Variants in SYT9 observed in about 807,000 individuals in gnomAD.
SYT9 encodes synaptotagmin 9.
Under a neutral mutation model 48.4 loss-of-function variants are expected in SYT9, and 22 were observed. The observed-to-expected ratio is 0.45, with a 90% CI of 0.32 to 0.65. The LOEUF is 0.65. Ranked by LOEUF, SYT9 falls within the 30% of genes least tolerant of loss-of-function variation. The pLI is 0.03. For synonymous variants in SYT9, 265 were observed against 245.0 expected, an observed-to-expected ratio of 1.08 and a Z score of -0.76; for missense variants, 577 against 622.0, an observed-to-expected ratio of 0.93 and a Z score of 0.77.
intron 3 of SYT9, among the ~76,000 whole-genome samples, chr11:7,333,048 A>T (rs1849568667): frequency 6.6e-6 from 1 of 152,196 alleles, no homozygotes; most frequent in Non-Finnish European, 1.5e-5. Flanking sequence ...TCGAGAATCG[A>T]AACAGTTTGT....
chr11:7,270,314 C>G (rs1848270621), intron 1 of SYT9, among the ~76,000 whole-genome samples: 1 of 152,120 alleles, frequency 6.6e-6, no homozygotes, highest in Non-Finnish European at 1.5e-5. Context: ...AAATGCAGCT[C>G]ATAAACGCTG....
intron 1 of SYT9, among the ~76,000 whole-genome samples, chr11:7,261,649 T>C (rs906187121): frequency 2.7e-5 from 4 of 150,560 alleles, no homozygotes; most frequent in East Asian, 1.9e-4. Flanking sequence ...CACTGAGAAG[T>C]TGACAAATGA....
intron 4 of SYT9, among the ~76,000 whole-genome samples, chr11:7,416,481 G>T (rs958789610): frequency 5.9e-5 from 9 of 152,166 alleles, no homozygotes; most frequent in Admixed American, 2.0e-4. Flanking sequence ...ATTACATTTA[G>T]CCTTCTATAT....
In SYT9 at chr11:7,337,082, TA is replaced by T. The variant is rs1368891492; in HGVS notation, c.1044+23142del. On this transcript the variant is annotated intron_variant, in intron 3 of 6. Coordinates refer to ENST00000318881, the MANE Select transcript of SYT9 (RefSeq NM_175733.4). ...TTACCTCCCTGGTTAGCTGTATCCC[TA>T]GGTATTTTATTCTTTTTGTGACAAT... is the stretch of plus-strand genomic sequence containing the variant. Among the ~76,000 whole-genome samples the T allele has an allele frequency of 5.3e-5, 8 of 152,296 alleles. No homozygotes were observed. The South Asian group carries it at 1.7e-3, about 32-fold the overall frequency.
chr11:7,281,244 C>A (rs1195998638), intron 1 of SYT9, among the ~76,000 whole-genome samples: 1 of 152,206 alleles, frequency 6.6e-6, no homozygotes, highest in African/African-American at 2.4e-5. Flanking sequence ...CCCTGGGCAT[C>A]ACAATGAGAG....
chr11:7,392,904 C>A (rs184509778), intron 3 of SYT9, among the ~76,000 whole-genome samples: 3 of 152,026 alleles, frequency 2.0e-5, no homozygotes, highest in African/African-American at 7.2e-5. Context: ...TCAGCTTGAA[C>A]ATTATTGTTG....
intron 3 of SYT9, among the ~76,000 whole-genome samples, chr11:7,336,562 A>G (rs1849634052): frequency 1.3e-5 from 2 of 152,176 alleles, no homozygotes; most frequent in Non-Finnish European, 2.9e-5. Flanking sequence ...TCATATGGCT[A>G]GCAAGTTATC....
At chr11:7,400,041 A>G (rs1484691149) in intron 3 of SYT9, among the ~76,000 whole-genome samples, 1 of 152,214 alleles carries the variant, frequency 6.6e-6, no homozygotes, top group African/African-American at 2.4e-5. Context: ...TATGCCACGT[A>G]CTTACCCCAA....
chr11:7,297,623 CTTCCA>C (rs1848838110), intron 1 of SYT9, among the ~76,000 whole-genome samples: 1 of 152,246 alleles, frequency 6.6e-6, no homozygotes, highest in Non-Finnish European at 1.5e-5. Flanking sequence ...CTGGGACTTC[CTTCCA>C]CCAGTCTTCC....
chr11:7,257,357 A>G (rs1847992648), intron 1 of SYT9, among the ~76,000 whole-genome samples: 1 of 152,160 alleles, frequency 6.6e-6, no homozygotes, highest in Non-Finnish European at 1.5e-5. Flanking sequence ...ATAAGGCTCT[A>G]TTATGTCCAC....
chr11:7,468,101 A>T lies in SYT9; in HGVS notation c.*1301A>T. The T allele has an allele frequency of 2.5e-6, 1 of 394,146 alleles. No homozygotes were observed. Among genetic ancestry groups the T allele is most frequent in the Non-Finnish European group, 4.5e-6 (1 of 223,498 alleles). 24.4% of individuals were successfully genotyped at this position (394,146 alleles called of 1,614,324 possible). A position where few individuals can be genotyped will look rare whatever the true frequency, so the allele number is the denominator to read the frequency against. On this transcript the variant is annotated 3_prime_UTR_variant, in exon 7 of 7. Transcript: ENST00000318881. Reference sequence around the variant, plus strand: ...ATTATAGGTGCAAGGCACCCCATCCACACATTTGCACCACTACTCCAAGAT... The same window carrying T: ...ATTATAGGTGCAAGGCACCCCATCCTCACATTTGCACCACTACTCCAAGAT...
At chr11:7,262,082 G>C (rs1419600075) in intron 1 of SYT9, among the ~76,000 whole-genome samples, 1 of 152,110 alleles carries the variant, frequency 6.6e-6, no homozygotes, top group African/African-American at 2.4e-5. Flanking sequence ...AGATGGTGGT[G>C]GCTTGGACCA....
At chr11:7,452,118 AACACACACACACAC>A (rs142000557) in intron 6 of SYT9, among the ~76,000 whole-genome samples, 141 of 147,646 alleles carry the variant, frequency 9.5e-4, no homozygotes, top group Non-Finnish European at 1.3e-3. Context: ...TTATATTTAA[AACACACACACACAC>A]ACACACACAC....
chr11:7,314,381 C>T, intron 3 of SYT9: 1 of 283,548 alleles, frequency 3.5e-6, no homozygotes, highest in Non-Finnish European at 7.1e-6. Flanking sequence ...AGAGCATTTC[C>T]CATGATTGGA....
chr11:7,421,505 A>G (rs1038304396), intron 6 of SYT9, among the ~76,000 whole-genome samples: 3 of 152,232 alleles, frequency 2.0e-5, no homozygotes, highest in Non-Finnish European at 4.4e-5. Flanking sequence ...AATGTGTCCA[A>G]CTAAAAACCA....
At chr11:7,264,640 G>A (rs1183678581) in intron 1 of SYT9, among the ~76,000 whole-genome samples, 2 of 152,042 alleles carry the variant, frequency 1.3e-5, no homozygotes, top group East Asian at 3.9e-4. Context: ...CAGAGAATGA[G>A]ATGTTTGAAA....
At chr11:7,247,474 C>T (rs867390084), upstream of SYT9, among the ~76,000 whole-genome samples, 11 of 148,998 alleles carry the variant, frequency 7.4e-5, no homozygotes, top group African/African-American at 2.5e-4. Context: ...TATATATATA[C>T]ATATATATAT....
chr11:7,289,018 G>C (rs1848650797), intron 1 of SYT9, among the ~76,000 whole-genome samples: 1 of 152,218 alleles, frequency 6.6e-6, no homozygotes, highest in African/African-American at 2.4e-5. Flanking sequence ...AGTGTGAAAA[G>C]TTCTGTGCAT....
At chr11:7,347,221 C>A (rs972437968) in intron 3 of SYT9, among the ~76,000 whole-genome samples, 1 of 143,080 alleles carries the variant, frequency 7.0e-6, no homozygotes, top group African/African-American at 2.6e-5. Flanking sequence ...GCTTTCAAAC[C>A]GTTTTCATCA....
Sources: gnomAD v4.1 joint callset for allele counts (sites outside exome capture counted in the v4.1 genomes callset) on GRCh38, gnomAD v4.1.1 for gene constraint, MANE v1.5 for transcripts, NCBI Gene and HGNC (gene_info 2026-07-23, HGNC 2026-07-21) for gene names.